PRIM2: variants seen among roughly 807,000 people sequenced by gnomAD.
PRIM2 encodes the protein DNA primase subunit 2, also known as DNA primase large subunit.
PRIM2 carries 39 observed loss-of-function variants against 67.3 expected under a neutral mutation model. The observed-to-expected ratio is 0.58, with a 90% CI of 0.45 to 0.76. The LOEUF is 0.76. PRIM2 is among the 30% of genes least tolerant of loss of function. The pLI is 0.00. For synonymous variants in PRIM2, 143 were observed against 198.7 expected, an observed-to-expected ratio of 0.72 and a Z score of 2.36; for missense variants, 398 against 598.7, an observed-to-expected ratio of 0.66 and a Z score of 3.50.
At chr6:57,623,427 T>C (rs1302620361) in intron 12 of PRIM2, among the ~76,000 whole-genome samples, 1 of 152,174 alleles carries the variant, frequency 6.6e-6, no homozygotes, top group Non-Finnish European at 1.5e-5. Context: ...CTTATATTCA[T>C]TAAAATTGCA....
At chr6:57,282,711 A>G in the PRIM2 span, among the ~76,000 whole-genome samples, 3 of 152,242 alleles carry the variant, frequency 2.0e-5, no homozygotes, top group African/African-American at 4.8e-5. Context: ...ATGTGAAGAC[A>G]CAAGAGAGAA....
intron 5 of PRIM2, among the ~76,000 whole-genome samples, chr6:57,357,475 T>C (rs972745468): frequency 3.3e-5 from 5 of 152,204 alleles, no homozygotes; most frequent in Non-Finnish European, 7.3e-5. Context: ...TTTTTCCCCT[T>C]GACTTTGGAT....
At chr6:57,479,834 A>G in intron 7 of PRIM2, among the ~76,000 whole-genome samples, 1 of 152,370 alleles carries the variant, frequency 6.6e-6, no homozygotes, top group East Asian at 1.9e-4. Flanking sequence ...ATATATTGCA[A>G]GGTCACCAGC....
In PRIM2 at chr6:57,610,077, A is replaced by T. The variant is rs1182534147; in HGVS notation, c.1230+3620A>T. Reference sequence around the variant, plus strand: ...AACTATAGGAAATCGATGTTTTTTTAAAATTTTTGGAGACAGAGTCTTGCT... The same window carrying T: ...AACTATAGGAAATCGATGTTTTTTTTAAATTTTTGGAGACAGAGTCTTGCT... On this transcript the variant is annotated intron_variant, in intron 12 of 13. Coordinates refer to ENST00000615550, the MANE Select transcript of PRIM2 (RefSeq NM_000947.5). Among the ~76,000 whole-genome samples the T allele has an allele frequency of 1.7e-3, 265 of 152,228 alleles. 1 individual carries two copies. The highest frequency in any genetic ancestry group is 6.1e-3 in the African/African-American group (255 of 41,574).
intron 7 of PRIM2, among the ~76,000 whole-genome samples, chr6:57,451,382 C>A (rs1353896201): frequency 6.6e-6 from 1 of 152,144 alleles, no homozygotes; most frequent in East Asian, 1.9e-4. Context: ...CTCAAGTGAT[C>A]TACCACCTCA....
chr6:57,227,991 T>C, the PRIM2 span, among the ~76,000 whole-genome samples: 1 of 152,236 alleles, frequency 6.6e-6, no homozygotes, highest in Non-Finnish European at 1.5e-5. Context: ...AATTGAGGTT[T>C]TGTGCTTAAA....
At chr6:57,256,771 A>G in the PRIM2 span, among the ~76,000 whole-genome samples, 1 of 152,054 alleles carries the variant, frequency 6.6e-6, no homozygotes, top group African/African-American at 2.4e-5. Flanking sequence ...AGTCCAAAGT[A>G]AAAATATCCT....
At chr6:57,273,122 G>C in the PRIM2 span, among the ~76,000 whole-genome samples, 1 of 151,966 alleles carries the variant, frequency 6.6e-6, no homozygotes, top group Admixed American at 6.6e-5. Flanking sequence ...TGCTCTTCTC[G>C]AGGAGTATCT....
In PRIM2 at chr6:57,646,245, A is replaced by G; in HGVS notation, c.*87A>G. On this transcript the variant is annotated 3_prime_UTR_variant, in exon 14 of 14. Transcript: ENST00000615550. ...TGTTGAAAAAGGGTTTCACTCTGTCACCAAGGCTTAGTGCAGTGACACAAT... is the reference window on the plus strand; with the variant it reads ...TGTTGAAAAAGGGTTTCACTCTGTCGCCAAGGCTTAGTGCAGTGACACAAT... 1.6e-6 allele frequency: 1 copy of G among 644,352 alleles called. No individual in the cohort carries two copies. The highest frequency in any genetic ancestry group is 2.7e-6 in the Non-Finnish European group (1 of 366,022). 39.9% of individuals were successfully genotyped at this position (644,352 alleles called of 1,614,324 possible). A position where few individuals can be genotyped will look rare whatever the true frequency, so the allele number is the denominator to read the frequency against.
Position 57,335,639 on chromosome 6 carries a change from G to T in PRIM2, c.459+9594G>T, listed in dbSNP as rs1255527753. On this transcript the variant is annotated intron_variant, in intron 5 of 13. Coordinates refer to ENST00000615550, the MANE Select transcript of PRIM2 (RefSeq NM_000947.5). ...CATGGCCAGGTACTCCAACAGACCT[G>T]CAGCTGAGGGTCCTGTCTGTTAGAA... Among the ~76,000 whole-genome samples, 13 of 152,284 alleles carry T rather than the reference G, an allele frequency of 8.5e-5. No homozygotes were observed. The East Asian group carries it at 2.5e-3, about 29-fold the overall frequency.
chr6:57,524,208 C>T (rs1351352277), intron 8 of PRIM2, among the ~76,000 whole-genome samples: 1 of 152,190 alleles, frequency 6.6e-6, no homozygotes, highest in Non-Finnish European at 1.5e-5. Flanking sequence ...CTTAACCTTT[C>T]TCTTTTCAGC....
chr6:57,588,210 T>C (rs1311005397), intron 10 of PRIM2, among the ~76,000 whole-genome samples: 1 of 152,036 alleles, frequency 6.6e-6, no homozygotes, highest in African/African-American at 2.4e-5. Context: ...GGGAAGATAC[T>C]TTCCACACAA....
the PRIM2 span, among the ~76,000 whole-genome samples, chr6:57,288,221 A>G: frequency 1.3e-5 from 2 of 151,994 alleles, no homozygotes; most frequent in African/African-American, 4.8e-5. Flanking sequence ...TGGCGTGGGG[A>G]GGGGGTGTCT....
At chr6:57,282,583 G>A in the PRIM2 span, among the ~76,000 whole-genome samples, 4 of 152,118 alleles carry the variant, frequency 2.6e-5, no homozygotes, top group Non-Finnish European at 4.4e-5. Context: ...GAATGTGACC[G>A]TATTTGAAGA....
At chr6:57,300,402 G>A in the PRIM2 span, among the ~76,000 whole-genome samples, 1 of 152,128 alleles carries the variant, frequency 6.6e-6, no homozygotes, top group Non-Finnish European at 1.5e-5. Context: ...AAGGATACTT[G>A]CTGTTCATTG....
chr6:57,302,499 T>C, the PRIM2 span, among the ~76,000 whole-genome samples: 5 of 152,254 alleles, frequency 3.3e-5, no homozygotes, highest in African/African-American at 9.6e-5. Context: ...TATCCACTTA[T>C]GGTTAAGAAA....
chr6:57,519,757 A>G (rs1364658894), intron 8 of PRIM2, among the ~76,000 whole-genome samples: 2 of 152,200 alleles, frequency 1.3e-5, no homozygotes, highest in South Asian at 4.1e-4. Context: ...TCACAAGGGT[A>G]TTGATTGGGG....
At position 57,337,416 on chromosome 6, in the gene PRIM2, A is replaced by T. The variant is rs559663591; in HGVS notation, c.459+11371A>T. Among the ~76,000 whole-genome samples the T allele has an allele frequency of 1.1e-4, 16 of 151,858 alleles. No individual in the cohort carries two copies. The East Asian group carries it at 2.3e-3, about 22-fold the overall frequency. On this transcript the variant is annotated intron_variant, in intron 5 of 13. Coordinates refer to ENST00000615550, the MANE Select transcript of PRIM2 (RefSeq NM_000947.5). Reference sequence around the variant, plus strand: ...AATCAACAGAATATACATTTTTTTCAGCACCACACCACACCTATTCCAAAA... The same window carrying T: ...AATCAACAGAATATACATTTTTTTCTGCACCACACCACACCTATTCCAAAA...
intron 10 of PRIM2, among the ~76,000 whole-genome samples, chr6:57,572,707 AG>A (rs1775884650): frequency 6.6e-6 from 1 of 152,220 alleles, no homozygotes; most frequent in Non-Finnish European, 1.5e-5. Flanking sequence ...TTCACTGTCC[AG>A]ATTGGATGAA....
Sources: allele counts gnomAD v4.1 joint callset (sites outside exome capture counted in the v4.1 genomes callset), GRCh38; gene constraint gnomAD v4.1.1; transcripts MANE v1.5; gene names NCBI Gene and HGNC (gene_info 2026-07-23, HGNC 2026-07-21).